FLT4: variants seen among roughly 807,000 people sequenced by gnomAD.
The protein encoded by FLT4 is vascular endothelial growth factor receptor 3.
FLT4 carries 30 observed loss-of-function variants against 163.2 expected under a neutral mutation model. The ratio of observed to expected loss-of-function variants is 0.18; its 90% CI spans 0.14 to 0.25. The LOEUF (loss-of-function observed/expected upper bound fraction) is 0.25. FLT4 is among the 10% of genes least tolerant of loss of function. The pLI is 1.00. For missense variants in FLT4, 1,510 were observed against 1,863.8 expected, an observed-to-expected ratio of 0.81 and a Z score of 3.50; for synonymous variants, 884 against 789.5, an observed-to-expected ratio of 1.12 and a Z score of -2.01.
chr5:180,647,336 G>A (rs1765537098), intron 1 of FLT4, among the ~76,000 whole-genome samples: 1 of 151,834 alleles, frequency 6.6e-6, no homozygotes, highest in African/African-American at 2.4e-5. Flanking sequence ...GGGCTTGCCA[G>A]CTTGTGCCAT....
intron 24 of FLT4, chr5:180,613,855 G>C: frequency 1.6e-6 from 1 of 630,520 alleles, no homozygotes; most frequent in Non-Finnish European, 2.9e-6. Flanking sequence ...GCACCCCACA[G>C]AGGGTGGCCC....
chr5:180,626,478 C>T (rs572051870), intron 8 of FLT4, among the ~76,000 whole-genome samples: 5 of 152,278 alleles, frequency 3.3e-5, no homozygotes, highest in South Asian at 2.1e-4. Context: ...GTCAGGCGGC[C>T]GGCTCGGGCA....
intron 29 of FLT4, among the ~76,000 whole-genome samples, chr5:180,606,582 C>T (rs1761796423): frequency 6.6e-6 from 1 of 152,256 alleles, no homozygotes; most frequent in South Asian, 2.1e-4. Flanking sequence ...TCTCAAGGAG[C>T]TGTGCTGTTT....
rs904605389 is a variant in FLT4, at chr5:180,636,871, G to A, written c.59-5093C>T. On this transcript the variant is annotated intron_variant, in intron 1 of 29. Transcript: ENST00000261937. The surrounding 1 kb of genome is among the most constrained non-coding windows in gnomAD (Gnocchi z 4.3). The stretch of plus-strand genomic sequence containing the variant: ...GTCCTGGTGCGTGGGGTCCGCAGCC[G>A]CCTCTCTGCATGCTCCCTCCCCTCT... Among the ~76,000 whole-genome samples the A allele has an allele frequency of 4.6e-5, 7 of 151,564 alleles. No individual in the cohort carries two copies. In the South Asian group the frequency reaches 6.3e-4, roughly 14 times the overall value.
At chr5:180,606,906 A>AC (rs1561687636) in intron 29 of FLT4, among the ~76,000 whole-genome samples, 33 of 105,760 alleles carry the variant, frequency 3.1e-4, no homozygotes, top group African/African-American at 5.1e-4. Flanking sequence ...AAAAAAAAAA[A>AC]AAAAAAAAAC....
At position 180,601,588 on chromosome 5, in the gene FLT4, A is replaced by C; in HGVS notation, c.*1604T>G. Reference sequence around the variant, plus strand: ...TCGATCTTTTCTCAGAACATGGTCTAGAAGGGCATAGTAGTTTTTTTCCCG... The same window carrying C: ...TCGATCTTTTCTCAGAACATGGTCTCGAAGGGCATAGTAGTTTTTTTCCCG... On this transcript the variant is annotated 3_prime_UTR_variant, in exon 30 of 30. Transcript: ENST00000261937. 1 of 233,286 alleles carries C rather than the reference A, an allele frequency of 4.3e-6. No homozygotes were observed. The highest frequency in any genetic ancestry group is 8.5e-6 in the Non-Finnish European group (1 of 118,076). The allele number at this position is 233,286 out of a possible 1,614,324, so 14.5% of individuals were successfully genotyped here.
chr5:180,638,992 A>G (rs1764891071), intron 1 of FLT4, among the ~76,000 whole-genome samples: 1 of 113,660 alleles, frequency 8.8e-6, no homozygotes, highest in Non-Finnish European at 1.6e-5. Context: ...AATGAAAAAA[A>G]TGGAGGGATG....
intron 20 of FLT4, 21 bp from the exon 21 acceptor site, chr5:180,618,941 C>T (rs868717473): frequency 1.3e-6 from 2 of 1,567,492 alleles, no homozygotes; most frequent in East Asian, 2.4e-5. Context: ...ACGAAGCTGG[C>T]TCGAGGGCGC....
chr5:180,623,268 G>GA lies in FLT4; in HGVS notation c.1549-430dup, dbSNP rs1763314476. ...AGTCGCTGCTTGCTGAGATCCTCGT[G>GA]AGATGGCCTCCTCAGCCCAGAACTG... On this transcript the variant is annotated intron_variant, in intron 11 of 29. Coordinates refer to ENST00000261937, the MANE Select transcript of FLT4 (RefSeq NM_182925.5). This position sits in a 1 kb window ranked among gnomAD's most constrained non-coding sequence, Gnocchi z 5.8. Among the ~76,000 whole-genome samples the GA allele has an allele frequency of 2.0e-5, 3 of 152,274 alleles. No individual in the cohort carries two copies. The South Asian group carries it at 6.2e-4, about 32-fold the overall frequency.
intron 1 of FLT4, among the ~76,000 whole-genome samples, chr5:180,645,681 C>G (rs1415584281): frequency 1.3e-5 from 2 of 152,216 alleles, no homozygotes; most frequent in African/African-American, 4.8e-5. Flanking sequence ...GCTGTTACCC[C>G]GTCCAGCCCG....
intron 6 of FLT4, 36 bp from the exon 7 acceptor site, chr5:180,629,463 G>T (rs367580371): frequency 1.2e-6 from 2 of 1,606,488 alleles, no homozygotes; most frequent in Non-Finnish European, 8.5e-7. Context: ...GTCAGCAGGC[G>T]GGCTCCTGCA....
chr5:180,647,223 G>C (rs1256096035), intron 1 of FLT4, among the ~76,000 whole-genome samples: 1 of 152,174 alleles, frequency 6.6e-6, no homozygotes, highest in Non-Finnish European at 1.5e-5. Flanking sequence ...AGCCCCAAGA[G>C]ACATCTGTGA....
At chr5:180,639,400 C>CGGAT (rs1392706518) in intron 1 of FLT4, among the ~76,000 whole-genome samples, 41 of 148,024 alleles carry the variant, frequency 2.8e-4, no homozygotes, top group Non-Finnish European at 2.1e-4. Context: ...GATGGATGGA[C>CGGAT]GGATGGATGA....
rs1763313820 is a variant in FLT4, at chr5:180,623,265, C to T, written c.1549-426G>A. On this transcript the variant is annotated intron_variant, in intron 11 of 29. Coordinates refer to ENST00000261937, the MANE Select transcript of FLT4 (RefSeq NM_182925.5). This position sits in a 1 kb window ranked among gnomAD's most constrained non-coding sequence, Gnocchi z 5.8. ...TCCAGTCGCTGCTTGCTGAGATCCT[C>T]GTGAGATGGCCTCCTCAGCCCAGAA... Among the ~76,000 whole-genome samples, 1 of 152,108 alleles carries T rather than the reference C, an allele frequency of 6.6e-6. No individual in the cohort carries two copies.
At chr5:180,648,697 C>A (rs1489619617) in intron 1 of FLT4, among the ~76,000 whole-genome samples, 3 of 150,992 alleles carry the variant, frequency 2.0e-5, no homozygotes, top group Non-Finnish European at 2.9e-5. Flanking sequence ...TCCGCCTCCG[C>A]TTCAGGTCTG....
At chr5:180,619,443 G>A in intron 18 of FLT4, 77 bp from the exon 19 acceptor site, 1 of 1,203,764 alleles carries the variant, frequency 8.3e-7, no homozygotes, top group Non-Finnish European at 1.2e-6. Flanking sequence ...CTTTTGGGAG[G>A]GGGAGGGTTA....
At position 180,602,753 on chromosome 5, in the gene FLT4, A is replaced by C; in HGVS notation, c.*439T>G. The C allele has an allele frequency of 2.2e-6, 1 of 461,312 alleles. No individual in the cohort carries two copies. The highest frequency in any genetic ancestry group is 3.8e-6 in the Non-Finnish European group (1 of 263,308). 28.6% of individuals were successfully genotyped at this position (461,312 alleles called of 1,614,324 possible). A position where few individuals can be genotyped will look rare whatever the true frequency, so the allele number is the denominator to read the frequency against. On this transcript the variant is annotated 3_prime_UTR_variant, in exon 30 of 30. Coordinates refer to ENST00000261937, the MANE Select transcript of FLT4 (RefSeq NM_182925.5). ...GAGAGTAGCTGTGTGCCTGAGGAGG[A>C]AAGGGCGTTTGGGAGACCTCTGCTC...
At position 180,619,039 on chromosome 5, in the gene FLT4, G is replaced by A. The variant is rs1279288312; in HGVS notation, c.2832C>T (p.Asp944=). The change falls in exon 20 of 30, where the codon GAC becomes GAT. Residue 944 remains aspartate (D), a synonymous_variant. Transcript: ENST00000261937. ...CGCTCACCGCGCAGGGGCTGAAGGC[G>A]TCCCGCTTGGCGCGCAGGAAGTTGG... ...NLSNFLRAKR[D]AFSPCAEKSP... is the part of the protein sequence containing the mutation. 4 of 1,553,932 alleles carry A rather than the reference G, an allele frequency of 2.6e-6. No individual in the cohort carries two copies. The highest frequency in any genetic ancestry group is 2.4e-5 in the South Asian group (2 of 84,366).
intron 26 of FLT4, among the ~76,000 whole-genome samples, chr5:180,612,231 G>C (rs905909749): frequency 6.6e-6 from 1 of 152,214 alleles, no homozygotes; most frequent in Non-Finnish European, 1.5e-5. Context: ...CACAGGCCGG[G>C]GGGGACCAGC....
Sources: gnomAD v4.1 joint callset for allele counts (sites outside exome capture counted in the v4.1 genomes callset) on GRCh38, gnomAD v4.1.1 for gene constraint, Gnocchi (gnomAD v3.1) non-coding constraint, MANE v1.5 for transcripts, NCBI Gene and HGNC (gene_info 2026-07-23, HGNC 2026-07-21) for gene names.